DPY19L2: variants seen among roughly 807,000 people sequenced by gnomAD.
The protein encoded by DPY19L2 is probable C-mannosyltransferase DPY19L2.
DPY19L2 carries 34 observed loss-of-function variants against 97.9 expected under a neutral mutation model. The observed-to-expected ratio is 0.35, with a 90% CI of 0.26 to 0.46. The LOEUF is 0.46. Ranked by LOEUF, DPY19L2 falls within the 20% of genes least tolerant of loss-of-function variation. The pLI, the probability that DPY19L2 is intolerant of heterozygous loss-of-function variation, is 1.00. For missense variants in DPY19L2, 623 were observed against 911.4 expected, an observed-to-expected ratio of 0.68 and a Z score of 4.07; for synonymous variants, 230 against 307.9, an observed-to-expected ratio of 0.75 and a Z score of 2.65.
intron 11 of DPY19L2, among the ~76,000 whole-genome samples, chr12:63,612,037 G>C (rs762098306): frequency 3.9e-5 from 6 of 152,028 alleles, no homozygotes; most frequent in Non-Finnish European, 7.4e-5. Context: ...GGAATAGCTA[G>C]AGAAGTAACA....
intron 14 of DPY19L2, among the ~76,000 whole-genome samples, chr12:63,597,360 A>T (rs561601948): frequency 6.6e-6 from 1 of 152,124 alleles, no homozygotes; most frequent in Non-Finnish European, 1.5e-5. Flanking sequence ...TTATATGTTC[A>T]TTAAAACTCA....
intron 4 of DPY19L2, among the ~76,000 whole-genome samples, chr12:63,652,685 A>G (rs1468380240): frequency 1.3e-5 from 2 of 152,190 alleles, no homozygotes; most frequent in Admixed American, 1.3e-4. Context: ...GGAAAACTAA[A>G]TACTCTGTGT....
In DPY19L2 at chr12:63,590,479, T is replaced by C. The variant is rs139958964; in HGVS notation, c.1580+3608A>G. Among the ~76,000 whole-genome samples the C allele has an allele frequency of 3.8e-3, 584 of 152,222 alleles. 6 individuals are homozygous for C. The highest frequency in any genetic ancestry group is 6.0e-3 in the Non-Finnish European group (411 of 68,012). ...GTTCAATCCTCAAAACATTGGTTTT[T>C]TTAAGACAAAAGTTATATATAATCT... On this transcript the variant is annotated intron_variant, in intron 16 of 21. Coordinates refer to ENST00000324472, the MANE Select transcript of DPY19L2 (RefSeq NM_173812.5).
chr12:63,662,315 CGAGT>C (rs1029302173), intron 3 of DPY19L2, among the ~76,000 whole-genome samples: 1 of 152,010 alleles, frequency 6.6e-6, no homozygotes, highest in Non-Finnish European at 1.5e-5. Flanking sequence ...TCATCCAACA[CGAGT>C]AAGTACTAAA....
chr12:63,632,993 C>T (rs9738792), intron 6 of DPY19L2, among the ~76,000 whole-genome samples: 4 of 151,728 alleles, frequency 2.6e-5, no homozygotes, highest in South Asian at 2.1e-4. Flanking sequence ...AAATGATGCT[C>T]GGAAAACTGG....
At chr12:63,607,398 G>A (rs1362392127) in intron 12 of DPY19L2, among the ~76,000 whole-genome samples, 1 of 152,130 alleles carries the variant, frequency 6.6e-6, no homozygotes, top group African/African-American at 2.4e-5. Context: ...CATGTCTAAG[G>A]ACAGGTGACC....
chr12:63,596,309 T>C (rs151168792), intron 14 of DPY19L2, among the ~76,000 whole-genome samples: 788 of 152,188 alleles, frequency 5.2e-3, no homozygotes, highest in African/African-American at 0.018. Flanking sequence ...TCTTTTCTGT[T>C]TTTTATTTAC....
intron 4 of DPY19L2, among the ~76,000 whole-genome samples, chr12:63,660,249 T>C (rs979609280): frequency 5.9e-5 from 9 of 152,078 alleles, no homozygotes; most frequent in Admixed American, 2.0e-4. Flanking sequence ...ATTACATTGC[T>C]TGTAATCAAA....
At chr12:63,634,683 G>A (rs1273439575) in intron 6 of DPY19L2, among the ~76,000 whole-genome samples, 1 of 152,146 alleles carries the variant, frequency 6.6e-6, no homozygotes, top group Non-Finnish European at 1.5e-5. Context: ...CTCACTCACT[G>A]CTAGCACAGC....
chr12:63,642,438 T>C (rs4763100), intron 6 of DPY19L2, among the ~76,000 whole-genome samples: 105,381 of 151,898 alleles, frequency 0.69, 37,136 homozygotes, highest in African/African-American at 0.8. Flanking sequence ...ACGCTGAACA[T>C]TTTATAAATT....
intron 14 of DPY19L2, 56 bp from the exon 15 acceptor site, chr12:63,596,093 T>G (rs1884186586): frequency 6.7e-7 from 1 of 1,499,784 alleles, no homozygotes; most frequent in Non-Finnish European, 9.0e-7. Flanking sequence ...ATTAAATTAG[T>G]AAACACCTAT....
chr12:63,573,337 G>T (rs1879235204), intron 19 of DPY19L2, among the ~76,000 whole-genome samples: 1 of 151,950 alleles, frequency 6.6e-6, no homozygotes, highest in African/African-American at 2.4e-5. Context: ...TTTAATAGCA[G>T]AATTGATCAA....
At chr12:63,598,545 T>C (rs1312438552) in intron 13 of DPY19L2, among the ~76,000 whole-genome samples, 1 of 152,166 alleles carries the variant, frequency 6.6e-6, no homozygotes, top group African/African-American at 2.4e-5. Flanking sequence ...TACAACCTGC[T>C]CTTGGTGAGA....
intron 2 of DPY19L2, among the ~76,000 whole-genome samples, chr12:63,664,079 G>A (rs1896030041): frequency 6.6e-6 from 1 of 152,114 alleles, no homozygotes; most frequent in Admixed American, 6.5e-5. Context: ...CCTCATGCCT[G>A]TAATCCCAGC....
intron 21 of DPY19L2, among the ~76,000 whole-genome samples, chr12:63,565,935 T>C (rs532414366): frequency 1.3e-5 from 2 of 152,026 alleles, no homozygotes; most frequent in Non-Finnish European, 1.5e-5. Flanking sequence ...TTATAAAACA[T>C]AGTCATTTCT....
chr12:63,616,125 T>C (rs2137741811), intron 11 of DPY19L2, among the ~76,000 whole-genome samples: 1 of 152,064 alleles, frequency 6.6e-6, no homozygotes, highest in East Asian at 1.9e-4. Flanking sequence ...ATCTGCAGAT[T>C]TTAGTATCCA....
chr12:63,603,365 G>C (rs1432661116), intron 12 of DPY19L2, among the ~76,000 whole-genome samples: 2 of 151,956 alleles, frequency 1.3e-5, no homozygotes, highest in Non-Finnish European at 2.9e-5. Context: ...TTTGTTTCCA[G>C]AACTTTTTAA....
At chr12:63,660,785 G>A (rs1270510002) in intron 4 of DPY19L2, 4 of 152,080 alleles carry the variant, frequency 2.6e-5, no homozygotes, top group Admixed American at 6.5e-5. Context: ...ATTTACCATG[G>A]TGTCAAATTT....
At chr12:63,576,334 A>G (rs1462817879) in intron 19 of DPY19L2, among the ~76,000 whole-genome samples, 2 of 152,056 alleles carry the variant, frequency 1.3e-5, no homozygotes, top group Admixed American at 6.5e-5. Context: ...CACAAGCAGT[A>G]TCATACTGAG....
Sources: gnomAD v4.1 joint callset for allele counts (sites outside exome capture counted in the v4.1 genomes callset) on GRCh38, gnomAD v4.1.1 for gene constraint, MANE v1.5 for transcripts, NCBI Gene and HGNC (gene_info 2026-07-23, HGNC 2026-07-21) for gene names.